The following CELSR1 variants were observed in gnomAD, a reference collection of about 807,000 sequenced individuals.
The protein encoded by CELSR1 is cadherin EGF LAG seven-pass G-type receptor 1, also known as adhesion G protein-coupled receptor C1.
CELSR1 carries 110 observed loss-of-function variants against 249.1 expected under a neutral mutation model. The ratio of observed to expected loss-of-function variants is 0.44; its 90% confidence interval spans 0.38 to 0.52. The LOEUF is 0.52. Among genes scored for constraint, CELSR1 ranks in the 20% least tolerant of loss-of-function variants. The pLI is 0.00. For synonymous variants in CELSR1, 2,113 were observed against 1,900.0 expected (o/e 1.11, Z -2.92); for missense variants, 4,109 against 4,296.4 (o/e 0.96, Z 1.22).
At chr22:46,520,215 C>G in intron 1 of CELSR1, among the ~76,000 whole-genome samples, 2 of 152,196 alleles carry the variant, frequency 1.3e-5, no homozygotes, top group African/African-American at 4.8e-5. Flanking sequence ...TCTAAGAGCA[C>G]AGGAAAAGGC....
rs769029491 is a variant in CELSR1, at chr22:46,436,208, G to C, written c.4488C>G (p.Ile1496Met). The change falls in exon 4 of 35, where the codon ATC becomes ATG. Residue 1496 changes from isoleucine to methionine, a missense_variant. Around this residue, in one of 7 missense-constraint regions of CELSR1, gnomAD observed 453 missense variants for 492.0 expected, o/e 0.92. Coordinates refer to ENST00000674500, the MANE Select transcript of CELSR1 (RefSeq NM_001378328.1). This position sits in a 1 kb window ranked among gnomAD's most constrained non-coding sequence, Gnocchi z 5.9. Reference sequence around the variant, plus strand: ...AGGTGAGCTGCACCTGCTCGTCCACGATCTCCAGGGCGATGAAGTCGTGCT... The same window carrying C: ...AGGTGAGCTGCACCTGCTCGTCCACCATCTCCAGGGCGATGAAGTCGTGCT... The part of the protein sequence containing the change: ...NEKHDFIALE[I>M]VDEQVQLTFS... 1.2e-6 allele frequency: 2 copies of C among 1,613,364 alleles called. No homozygotes were observed. The highest frequency in any genetic ancestry group is 1.7e-6 in the Non-Finnish European group (2 of 1,179,428).
intron 1 of CELSR1, among the ~76,000 whole-genome samples, chr22:46,521,476 G>A (rs1338780691): frequency 1.3e-5 from 2 of 151,226 alleles, no homozygotes; most frequent in Non-Finnish European, 2.9e-5. Flanking sequence ...CTGCACTCCA[G>A]CCTGGGCGAC....
intron 2 of CELSR1, among the ~76,000 whole-genome samples, chr22:46,463,196 C>G (rs1489937030): frequency 1.3e-5 from 2 of 152,310 alleles, no homozygotes; most frequent in Non-Finnish European, 1.5e-5. Context: ...GGGCTACGGT[C>G]AGGGAAGCCC....
chr22:46,435,396 C>T (rs1370563563), intron 4 of CELSR1, among the ~76,000 whole-genome samples: 1 of 151,302 alleles, frequency 6.6e-6, no homozygotes, highest in Non-Finnish European at 1.5e-5. Flanking sequence ...ATTCTCCTGC[C>T]TCAGCCTCCT....
rs752784501 is a variant in CELSR1, at chr22:46,399,679, AG to A, written c.5412+37del. 46 of 1,594,480 alleles carry A rather than the reference AG, an allele frequency of 2.9e-5. 1 individual carries two copies. In the Admixed American group the frequency reaches 4.8e-4, roughly 17 times the overall value. ...TTCTGTTTTTCCCTGGGCCGGAGGAAGGGTCTATCCCCAGAGGAGGTGCAGG... is the reference window on the plus strand; with the variant it reads ...TTCTGTTTTTCCCTGGGCCGGAGGAAGGTCTATCCCCAGAGGAGGTGCAGG... On this transcript the variant is annotated intron_variant, in intron 10 of 34. Coordinates refer to ENST00000674500, the MANE Select transcript of CELSR1 (RefSeq NM_001378328.1). The surrounding 1 kb of genome is among the most constrained non-coding windows in gnomAD (Gnocchi z 5.0).
At position 46,536,439 on chromosome 22, in the gene CELSR1, C is replaced by T. The variant is rs749818697; in HGVS notation, c.732G>A (p.Lys244=). Residue 244 remains lysine, a synonymous_variant, in exon 1 of 35, where the codon AAG becomes AAA. Coordinates refer to ENST00000674500, the MANE Select transcript of CELSR1 (RefSeq NM_001378328.1). ...RRGTSGRGSL[K]FPMPNYQVAL... Reference sequence around the variant, plus strand: ...CCACCTGGTAGTTGGGCATCGGAAACTTCAGGCTCCCTCTGCCGCTCGTGC... The same window carrying T: ...CCACCTGGTAGTTGGGCATCGGAAATTTCAGGCTCCCTCTGCCGCTCGTGC... 3 of 1,611,932 alleles carry T rather than the reference C, an allele frequency of 1.9e-6. No individual in the cohort carries two copies. The highest frequency in any genetic ancestry group is 1.3e-5 in the African/African-American group (1 of 74,922).
At position 46,389,457 on chromosome 22, in the gene CELSR1, T is replaced by C. The variant is rs779641575; in HGVS notation, c.6388A>G (p.Arg2130Gly). ...SRNETQVDGA[R>G]ALQLVRALRS... ...AGCGCCCTCACCAGCTGCAGGGCCC[T>C]GGCGCCGTCCACCTGCGTCTCATTG... Residue 2130 changes from arginine (R) to glycine (G), a missense_variant, in exon 18 of 35, where the codon AGG (arginine) becomes GGG (glycine). Around this residue, in one of 7 missense-constraint regions of CELSR1, gnomAD observed 1,805 missense variants for 1,831.6 expected, o/e 0.99. Coordinates refer to ENST00000674500, the MANE Select transcript of CELSR1 (RefSeq NM_001378328.1). 6.2e-7 allele frequency: 1 copy of C among 1,613,260 alleles called. No homozygotes were observed. Among genetic ancestry groups the C allele is most frequent in the Non-Finnish European group, 8.5e-7 (1 of 1,180,014 alleles).
chr22:46,468,524 G>GGATGTGAT lies in CELSR1; in HGVS notation c.3545-4180_3545-4179insATCACATC. Among the ~76,000 whole-genome samples, 1 of 152,282 alleles carries GGATGTGAT rather than the reference G, an allele frequency of 6.6e-6. No individual in the cohort carries two copies. The highest frequency in any genetic ancestry group is 2.4e-5 in the African/African-American group (1 of 41,564). ...ACTGCAATAAGCCGGTCACATGTGA[G>GGATGTGAT]GCTGCACTTACAGGAGGTCCCTAGA... On this transcript the variant is annotated intron_variant, in intron 1 of 34. Coordinates refer to ENST00000674500, the MANE Select transcript of CELSR1 (RefSeq NM_001378328.1). The surrounding 1 kb of genome is among the most constrained non-coding windows in gnomAD (Gnocchi z 4.5).
Position 46,391,704 on chromosome 22 carries a change from G to T in CELSR1, c.6077C>A (p.Pro2026His). Residue 2026 changes from proline (P) to histidine (H), a missense_variant, in exon 15 of 35, where the codon CCC becomes CAC. Coordinates refer to ENST00000674500, the MANE Select transcript of CELSR1 (RefSeq NM_001378328.1). The surrounding 1 kb of genome is among the most constrained non-coding windows in gnomAD (Gnocchi z 4.3). ...DMATGQCACK[P>H]GVIGRQCNRC... Reference sequence around the variant, plus strand: ...GTTGCACTGGCGGCCGATGACGCCGGGCTTGCAGGCACACTGCCCGGTGGC... The same window carrying T: ...GTTGCACTGGCGGCCGATGACGCCGTGCTTGCAGGCACACTGCCCGGTGGC... 1 of 1,611,218 alleles carries T rather than the reference G, an allele frequency of 6.2e-7. No homozygotes were observed. The highest frequency in any genetic ancestry group is 8.5e-7 in the Non-Finnish European group (1 of 1,179,718).
rs1191952332 is a variant in CELSR1 at position 46,372,994 on chromosome 22, G to A, written c.7648C>T (p.Leu2550Phe). ...CGGTAGACATGCAGGCTCTCCACGA[G>A]GGTCCAGGCAAAGGTGCTCATGTAG... The part of the protein sequence containing the change: ...YIYMSTFAWT[L>F]VESLHVYRML... Residue 2550 changes from leucine (L) to phenylalanine (F), a missense_variant, in exon 25 of 35, where the codon CTC (leucine) becomes TTC (phenylalanine). Physicochemically the swap from Leu to Phe is conservative, Grantham distance 22 (BLOSUM62 0). Around this residue, in one of 7 missense-constraint regions of CELSR1, gnomAD observed 1,805 missense variants for 1,831.6 expected, o/e 0.99. Transcript: ENST00000674500. 4 of 1,613,188 alleles carry A rather than the reference G, an allele frequency of 2.5e-6. No individual in the cohort carries two copies. The highest frequency in any genetic ancestry group is 3.4e-6 in the Non-Finnish European group (4 of 1,179,858).
rs2080587233 is a variant in CELSR1, at chr22:46,512,803, T to C, written c.3544+20824A>G. Among the ~76,000 whole-genome samples, 1 of 152,204 alleles carries C rather than the reference T, an allele frequency of 6.6e-6. No individual in the cohort carries two copies. On this transcript the variant is annotated intron_variant, in intron 1 of 34. Coordinates refer to ENST00000674500, the MANE Select transcript of CELSR1 (RefSeq NM_001378328.1). The surrounding 1 kb of genome is among the most constrained non-coding windows in gnomAD (Gnocchi z 5.2). ...AGGAATTATTCAGACAAGCTACCCATGTGCCCCTGCAAGAACCAGGGGCCC... is the reference window on the plus strand; with the variant it reads ...AGGAATTATTCAGACAAGCTACCCACGTGCCCCTGCAAGAACCAGGGGCCC...
intron 1 of CELSR1, among the ~76,000 whole-genome samples, chr22:46,489,341 C>T (rs957997973): frequency 4.0e-5 from 6 of 151,826 alleles, no homozygotes; most frequent in Non-Finnish European, 7.4e-5. Flanking sequence ...TTAACCCACC[C>T]GGCCTTCCCA....
chr22:46,463,593 C>A, intron 2 of CELSR1, 114 bp downstream of exon 2: 1 of 1,190,908 alleles, frequency 8.4e-7, no homozygotes, highest in East Asian at 2.8e-5. Context: ...GGGCCCAGCG[C>A]CCATCCTCCA....
rs470114 is a variant in CELSR1 at position 46,395,229 on chromosome 22, G to A, written c.5844-967C>T. Among the ~76,000 whole-genome samples the A allele has an allele frequency of 0.058, 8,833 of 152,236 alleles. 349 individuals carry two copies. The highest frequency in any genetic ancestry group is 0.086 in the Non-Finnish European group (5,851 of 67,986). On this transcript the variant is annotated intron_variant, in intron 13 of 34. Transcript: ENST00000674500. The surrounding 1 kb of genome is among the most constrained non-coding windows in gnomAD (Gnocchi z 5.5). ...CTGCAGCAGTGGTGACTGTGGCGCC[G>A]GGCATGGAGATGCTGGATCAGCCTC...
In CELSR1 at chr22:46,534,919, T is replaced by C; in HGVS notation, c.2252A>G (p.Asp751Gly). 6.2e-7 allele frequency: 1 copy of C among 1,612,530 alleles called. No homozygotes were observed. Among genetic ancestry groups the C allele is most frequent in the Middle Eastern group, 1.6e-4 (1 of 6,062 alleles). Residue 751 changes from aspartate to glycine, a missense_variant, in exon 1 of 35, where the codon GAC becomes GGC. This residue lies in a region of CELSR1 where 886 missense variants were observed against 896.5 expected (regional missense o/e 0.99). Coordinates refer to ENST00000674500, the MANE Select transcript of CELSR1 (RefSeq NM_001378328.1). This position sits in a 1 kb window ranked among gnomAD's most constrained non-coding sequence, Gnocchi z 9.7. ...GGLITLALPLDYKQEQQYVLA... is the reference protein window; with the variant it reads ...GGLITLALPLGYKQEQQYVLA... ...CACGTACTGCTGCTCCTGCTTGTAG[T>C]CCAGAGGTAGCGCCAGGGTGATGAG...
intron 9 of CELSR1, among the ~76,000 whole-genome samples, chr22:46,403,291 G>A (rs1018711520): frequency 6.6e-6 from 1 of 151,904 alleles, no homozygotes; most frequent in Non-Finnish European, 1.5e-5. Flanking sequence ...GCTTACACCT[G>A]TAATCCCAGC....
chr22:46,536,983 T>C lies in CELSR1; in HGVS notation c.188A>G (p.Glu63Gly). Residue 63 changes from glutamate (E) to glycine (G), a missense_variant, in exon 1 of 35, where the codon GAG becomes GGG. Physicochemically the swap from Glu to Gly is moderately conservative, Grantham distance 98 (BLOSUM62 -2). Around this residue, in one of 7 missense-constraint regions of CELSR1, gnomAD observed 673 missense variants for 636.8 expected, o/e 1.06. Transcript: ENST00000674500. The stretch of plus-strand genomic sequence containing the variant: ...CCCATCGCGGCCCACGTCCAGCAGC[T>C]CCCGCGGCGCCCGGGGCGTGCAAGC... ...GAACTPRAPR[E>G]LLDVGRDGRL... 1 of 1,126,934 alleles carries C rather than the reference T, an allele frequency of 8.9e-7. No homozygotes were observed. The highest frequency in any genetic ancestry group is 1.1e-6 in the Non-Finnish European group (1 of 923,166). 69.8% of individuals were successfully genotyped at this position (1,126,934 alleles called of 1,614,324 possible). A position where few individuals can be genotyped will look rare whatever the true frequency, so the allele number is the denominator to read the frequency against.
At chr22:46,369,065 G>C in intron 27 of CELSR1, 114 bp downstream of exon 27, 1 of 903,804 alleles carries the variant, frequency 1.1e-6, no homozygotes. Context: ...GCTGCCCCCA[G>C]CCCTCCTCCA....
chr22:46,397,719 G>A lies in CELSR1; in HGVS notation c.5656C>T (p.Arg1886Cys), dbSNP rs774233820. The A allele has an allele frequency of 8.2e-5, 130 of 1,582,202 alleles. No homozygotes were observed. The highest frequency in any genetic ancestry group is 4.7e-5 in the East Asian group (2 of 42,918). ...CTSSPCPPNS[R>C]CHDAWEDYSC... ...TAGTCCTCCCAGGCGTCGTGGCAGC[G>A]GCTATTGGGGGGACAGGGGCTCGAG... The change falls in exon 12 of 35, where the codon CGC becomes TGC. Residue 1886 changes from arginine (R) to cysteine (C), a missense_variant. By Grantham distance (180) the Arg-to-Cys change is radical (BLOSUM62 -3). Transcript: ENST00000674500.
Sources: gnomAD v4.1 joint callset for allele counts (sites outside exome capture counted in the v4.1 genomes callset) on GRCh38, gnomAD v4.1.1 for gene constraint, gnomAD v4.1.1 regional missense constraint, Gnocchi (gnomAD v3.1) non-coding constraint, MANE v1.5 for transcripts, NCBI Gene and HGNC (gene_info 2026-07-23, HGNC 2026-07-21) for gene names.